The following CLEC17A variants were observed in gnomAD, a reference collection of about 807,000 sequenced individuals.
CLEC17A encodes C-type lectin domain family 17, member A.
CLEC17A carries 37 observed loss-of-function variants against 61.3 expected under a neutral mutation model. The observed-to-expected ratio is 0.60, with a 90% CI of 0.46 to 0.79. CLEC17A has a LOEUF of 0.79. Among genes scored for constraint, CLEC17A ranks in the 30% least tolerant of loss-of-function variants. The probability of loss-of-function intolerance (pLI) is 0.00; values close to 1 mark genes in which losing one functional copy is unlikely to be tolerated. For synonymous variants in CLEC17A, 168 were observed against 164.9 expected, an observed-to-expected ratio of 1.02 and a Z score of -0.14; for missense variants, 418 against 464.7, an observed-to-expected ratio of 0.90 and a Z score of 0.92.
chr19:14,587,060 T>C (rs2074301168), intron 2 of CLEC17A, among the ~76,000 whole-genome samples: 1 of 151,804 alleles, frequency 6.6e-6, no homozygotes, highest in Non-Finnish European at 1.5e-5. Flanking sequence ...GGCTAGTTTT[T>C]GTATTTTTGG....
chr19:14,597,073 G>A, intron 9 of CLEC17A, 26 bp from the exon 10 acceptor site: 1 of 1,612,196 alleles, frequency 6.2e-7, no homozygotes, highest in Non-Finnish European at 8.5e-7. Flanking sequence ...GGAGGACCTG[G>A]GCTCAATTTG....
In CLEC17A at chr19:14,599,079, CTTTTTTTTTTTTT is replaced by C. The variant is rs796835309; in HGVS notation, c.647-624_647-612del. ...CAACATACTTGCCTCTGTATCTTTG[CTTTTTTTTTTTTT>C]TTTTTTTTTTTTTGAGATGAAGTCT... On this transcript the variant is annotated intron_variant, in intron 10 of 13. Transcript: ENST00000417570. Among the ~76,000 whole-genome samples the C allele has an allele frequency of 1.7e-3, 95 of 56,954 alleles. 1 individual carries two copies. The highest frequency in any genetic ancestry group is 6.9e-3 in the African/African-American group (88 of 12,762). The allele number at this position is 56,954 out of a possible 152,430, so 37.4% of individuals were successfully genotyped here.
intron 7 of CLEC17A, 129 bp downstream of exon 7, chr19:14,594,929 T>C: frequency 1.1e-6 from 1 of 941,602 alleles, no homozygotes; most frequent in Non-Finnish European, 1.6e-6. Flanking sequence ...TGGAGTGCAG[T>C]GGTGCGATAC....
intron 1 of CLEC17A, 23 bp downstream of exon 1, chr19:14,583,226 G>T (rs746430723): frequency 1.2e-6 from 2 of 1,613,816 alleles, no homozygotes; most frequent in South Asian, 1.1e-5. Context: ...CCAGGCTGGG[G>T]CTGGGGCCTA....
upstream of CLEC17A, among the ~76,000 whole-genome samples, chr19:14,581,448 C>G (rs537157931): frequency 6.6e-6 from 1 of 151,654 alleles, no homozygotes; most frequent in African/African-American, 2.4e-5. Context: ...CGCAGCCACC[C>G]GAGTAGCTGG....
chr19:14,605,383 A>C (rs1019819828), intron 12 of CLEC17A, among the ~76,000 whole-genome samples: 1 of 147,912 alleles, frequency 6.8e-6, no homozygotes, highest in South Asian at 2.4e-4. Context: ...GGCATGAGCC[A>C]CCGCGCCCGG....
intron 9 of CLEC17A, 43 bp downstream of exon 9, chr19:14,597,056 G>T: frequency 6.2e-7 from 1 of 1,611,772 alleles, no homozygotes; most frequent in Non-Finnish European, 8.5e-7. Flanking sequence ...ATTGGGGAGG[G>T]TGCACAGGAG....
At chr19:14,595,448 C>G in intron 8 of CLEC17A, 133 bp downstream of exon 8, 1 of 920,326 alleles carries the variant, frequency 1.1e-6, no homozygotes, top group South Asian at 1.6e-5. Context: ...CTGCACTGTT[C>G]TGAGTTAGTC....
intron 2 of CLEC17A, among the ~76,000 whole-genome samples, chr19:14,587,265 G>GTGTGTGTGTT (rs941409980): frequency 6.6e-6 from 1 of 151,310 alleles, no homozygotes; most frequent in African/African-American, 2.4e-5. Context: ...GTGTGTGTTT[G>GTGTGTGTGTT]TGTTTGTGTG....
intron 2 of CLEC17A, 106 bp downstream of exon 2, chr19:14,583,540 GCCCATGCC>G: frequency 6.4e-7 from 1 of 1,552,254 alleles, no homozygotes; most frequent in Non-Finnish European, 8.7e-7. Flanking sequence ...TCTGTATCCA[GCCCATGCC>G]GGGCACTGTG....
At chr19:14,609,609 G>C (rs1310194709) in intron 13 of CLEC17A, among the ~76,000 whole-genome samples, 3 of 148,220 alleles carry the variant, frequency 2.0e-5, no homozygotes, top group African/African-American at 7.5e-5. Context: ...AGGCTGAGGC[G>C]GGCGGATCAC....
chr19:14,592,036 G>A (rs1374284530), intron 3 of CLEC17A, among the ~76,000 whole-genome samples: 1 of 152,072 alleles, frequency 6.6e-6, no homozygotes, highest in Non-Finnish European at 1.5e-5. Context: ...TGAGTAGGAG[G>A]GACAAGACCT....
At chr19:14,591,111 A>C (rs998038036) in intron 3 of CLEC17A, among the ~76,000 whole-genome samples, 7 of 150,832 alleles carry the variant, frequency 4.6e-5, no homozygotes, top group African/African-American at 7.3e-5. Flanking sequence ...CAACTGGGAG[A>C]GGGGAGGGGT....
intron 4 of CLEC17A, among the ~76,000 whole-genome samples, chr19:14,593,713 C>T (rs1472573175): frequency 1.3e-5 from 2 of 151,992 alleles, no homozygotes; most frequent in African/African-American, 4.8e-5. Context: ...GTAATCCCAG[C>T]ACTTTGGGAG....
chr19:14,591,981 C>A (rs2074431029), intron 3 of CLEC17A, among the ~76,000 whole-genome samples: 1 of 150,610 alleles, frequency 6.6e-6, no homozygotes, highest in Non-Finnish European at 1.5e-5. Context: ...TTTGCCTGTA[C>A]TTGACTTTGA....
Position 14,599,787 on chromosome 19 carries a change from C to T in CLEC17A, c.717C>T (p.Ser239=). The T allele has an allele frequency of 6.2e-7, 1 of 1,613,708 alleles. No homozygotes were observed. The highest frequency in any genetic ancestry group is 8.5e-7 in the Non-Finnish European group (1 of 1,179,728). ...IARVRADTNQ[S]LVELWGLLDC... ...GTGTAAGAGCTGACACCAACCAGTC[C>T]CTGGTGGAACTTTGGGGCTTATTAG... Residue 239 remains serine, a synonymous_variant, in exon 11 of 14, where the codon TCC becomes TCT. Coordinates refer to ENST00000417570, the MANE Select transcript of CLEC17A (RefSeq NM_001204118.2).
intron 12 of CLEC17A, among the ~76,000 whole-genome samples, chr19:14,604,980 C>T (rs1166824327): frequency 6.6e-6 from 1 of 152,070 alleles, no homozygotes; most frequent in African/African-American, 2.4e-5. Context: ...GCCAGAATAA[C>T]TACAAAATCA....
chr19:14,591,250 GT>G (rs1423781127), intron 3 of CLEC17A, among the ~76,000 whole-genome samples: 1 of 143,984 alleles, frequency 6.9e-6, no homozygotes, highest in Non-Finnish European at 1.5e-5. Flanking sequence ...CGCCTCCCAG[GT>G]TCACGCCATT....
chr19:14,606,737 A>C (rs998538645), intron 12 of CLEC17A, among the ~76,000 whole-genome samples: 79 of 152,146 alleles, frequency 5.2e-4, no homozygotes, highest in Admixed American at 1.2e-3. Context: ...GCTACTGTGA[A>C]CCCATTTTAC....
Sources: gnomAD v4.1 joint callset for allele counts (sites outside exome capture counted in the v4.1 genomes callset) on GRCh38, gnomAD v4.1.1 for gene constraint, MANE v1.5 for transcripts, NCBI Gene and HGNC (gene_info 2026-07-23, HGNC 2026-07-21) for gene names.